RAB3IP: variants seen among roughly 807,000 people sequenced by gnomAD.
The protein encoded by RAB3IP is RAB3A interacting protein.
A neutral mutation model predicts 59.1 loss-of-function variants in RAB3IP; 36 were observed. That is an observed-to-expected ratio of 0.61 (90% confidence interval 0.47 to 0.80). The LOEUF is 0.80. Ranked by LOEUF, RAB3IP falls within the 30% of genes least tolerant of loss-of-function variation. The probability of loss-of-function intolerance (pLI) is 0.00; values close to 1 mark genes in which losing one functional copy is unlikely to be tolerated. For synonymous variants in RAB3IP, 207 were observed against 191.2 expected (o/e 1.08, Z -0.68); for missense variants, 511 against 536.0 (o/e 0.95, Z 0.46).
intron 8 of RAB3IP, among the ~76,000 whole-genome samples, chr12:69,805,666 G>A (rs567843771): frequency 2.6e-5 from 4 of 151,808 alleles, no homozygotes; most frequent in Admixed American, 6.6e-5. Context: ...TTTGAAATAC[G>A]TCCCATCAAT....
At position 69,819,301 on chromosome 12, in the gene RAB3IP, A is replaced by G. The variant is rs1168804997; in HGVS notation, c.*3855A>G. On this transcript the variant is annotated 3_prime_UTR_variant, in exon 11 of 11. Coordinates refer to ENST00000247833, the MANE Select transcript of RAB3IP (RefSeq NM_022456.5). Reference sequence around the variant, plus strand: ...GAATCTTAGGCTTTTGGCTTGAGCTATTGCAGTTTATTGAGATGGGGAAAT... The same window carrying G: ...GAATCTTAGGCTTTTGGCTTGAGCTGTTGCAGTTTATTGAGATGGGGAAAT... 6.6e-6 allele frequency: 1 copy of G among 152,208 alleles called. No individual in the cohort carries two copies. Among genetic ancestry groups the G allele is most frequent in the Non-Finnish European group, 1.5e-5 (1 of 68,038 alleles). 9.4% of individuals were successfully genotyped at this position (152,208 alleles called of 1,614,324 possible). A position where few individuals can be genotyped will look rare whatever the true frequency, so the allele number is the denominator to read the frequency against.
intron 3 of RAB3IP, among the ~76,000 whole-genome samples, chr12:69,770,751 A>G (rs1872974760): frequency 6.6e-6 from 1 of 152,204 alleles, no homozygotes; most frequent in African/African-American, 2.4e-5. Context: ...TATGCAACAC[A>G]GTATGGTGTA....
upstream of RAB3IP, chr12:69,738,707 A>C (rs1886911297): frequency 6.6e-6 from 1 of 152,096 alleles, no homozygotes; most frequent in Non-Finnish European, 1.5e-5. Context: ...ACCTGCGACG[A>C]GCCCCGCCTG....
At chr12:69,781,111 A>C (rs376047033) in intron 3 of RAB3IP, among the ~76,000 whole-genome samples, 2 of 152,108 alleles carry the variant, frequency 1.3e-5, no homozygotes, top group African/African-American at 4.8e-5. Context: ...CCTTTCTTAT[A>C]ATTTTTTTGG....
chr12:69,768,216 A>G (rs73133462), intron 3 of RAB3IP, among the ~76,000 whole-genome samples: 16,289 of 151,770 alleles, frequency 0.11, 1,201 homozygotes, highest in Middle Eastern at 0.18. Flanking sequence ...ATGCCTGGAG[A>G]TCTGCCTGGG....
upstream of RAB3IP, chr12:69,738,701 G>A (rs1164404073): frequency 1.3e-5 from 2 of 152,214 alleles, no homozygotes; most frequent in Middle Eastern, 3.2e-3. Context: ...CGTGACACCT[G>A]CGACGAGCCC....
chr12:69,738,644 C>T, upstream of RAB3IP: 1 of 151,954 alleles, frequency 6.6e-6, no homozygotes, highest in Non-Finnish European at 1.5e-5. Flanking sequence ...CTCCGGCTCG[C>T]GCTGGTTCCC....
chr12:69,803,348 C>T (rs980554989), intron 8 of RAB3IP, among the ~76,000 whole-genome samples: 3 of 151,828 alleles, frequency 2.0e-5, no homozygotes, highest in South Asian at 4.2e-4. Flanking sequence ...TGGCTTTGGC[C>T]GTGGTTCTTG....
chr12:69,766,475 C>T (rs1872213769), intron 3 of RAB3IP, among the ~76,000 whole-genome samples: 1 of 151,658 alleles, frequency 6.6e-6, no homozygotes, highest in East Asian at 1.9e-4. Flanking sequence ...TTTTCAAATT[C>T]CTTACGTCAG....
intron 3 of RAB3IP, among the ~76,000 whole-genome samples, chr12:69,772,685 C>T (rs568864883): frequency 6.6e-6 from 1 of 152,306 alleles, no homozygotes; most frequent in South Asian, 2.1e-4. Flanking sequence ...TACACTGTAA[C>T]TCCATTCTTT....
At chr12:69,769,197 C>T (rs1251052991) in intron 3 of RAB3IP, among the ~76,000 whole-genome samples, 2 of 152,160 alleles carry the variant, frequency 1.3e-5, no homozygotes, top group African/African-American at 4.8e-5. Context: ...ATAAATTGCC[C>T]AGTCTTGGGT....
intron 4 of RAB3IP, among the ~76,000 whole-genome samples, chr12:69,788,522 T>A (rs1399239927): frequency 6.6e-6 from 1 of 152,134 alleles, no homozygotes; most frequent in Non-Finnish European, 1.5e-5. Flanking sequence ...GGTGCATGAC[T>A]GTATATATGC....
chr12:69,786,468 G>A (rs1875665244), intron 4 of RAB3IP, among the ~76,000 whole-genome samples: 1 of 152,096 alleles, frequency 6.6e-6, no homozygotes, highest in Non-Finnish European at 1.5e-5. Flanking sequence ...TAGGAAGAGT[G>A]GAAAGTTAAA....
intron 8 of RAB3IP, among the ~76,000 whole-genome samples, chr12:69,804,172 C>T (rs1878858035): frequency 1.3e-5 from 2 of 152,288 alleles, no homozygotes; most frequent in African/African-American, 4.8e-5. Flanking sequence ...TGTTTCCTGA[C>T]TGTTTAATGA....
rs895416986 is a variant in RAB3IP, at chr12:69,823,188, A to G, written c.*7742A>G. On this transcript the variant is annotated 3_prime_UTR_variant, in exon 11 of 11. Coordinates refer to ENST00000247833, the MANE Select transcript of RAB3IP (RefSeq NM_022456.5). ...TGTTAATTAAAAAAATAAAAAAAAGACCCACCCACTGTTTAAGTGTATCTA... is the reference window on the plus strand; with the variant it reads ...TGTTAATTAAAAAAATAAAAAAAAGGCCCACCCACTGTTTAAGTGTATCTA... 2.0e-5 allele frequency: 3 copies of G among 152,128 alleles called. No individual in the cohort carries two copies. The highest frequency in any genetic ancestry group is 1.3e-4 in the Admixed American group (2 of 15,276). 9.4% of individuals were successfully genotyped at this position (152,128 alleles called of 1,614,324 possible).
At chr12:69,794,381 CT>C in intron 4 of RAB3IP, 55 bp from the exon 5 acceptor site, 2 of 1,462,580 alleles carry the variant, frequency 1.4e-6, no homozygotes, top group Middle Eastern at 3.5e-4. Context: ...TTGGCAAGAA[CT>C]TTTTGAAAAC....
At chr12:69,772,073 C>T (rs2136175968) in intron 3 of RAB3IP, among the ~76,000 whole-genome samples, 1 of 152,156 alleles carries the variant, frequency 6.6e-6, no homozygotes, top group East Asian at 1.9e-4. Flanking sequence ...GACAGTCTAT[C>T]CTTTTATGTC....
chr12:69,820,292 C>G lies in RAB3IP; in HGVS notation c.*4846C>G, dbSNP rs754071796. 6.6e-6 allele frequency: 1 copy of G among 152,110 alleles called. No homozygotes were observed. Among genetic ancestry groups the G allele is most frequent in the African/African-American group, 2.4e-5 (1 of 41,370 alleles). The allele number at this position is 152,110 out of a possible 1,614,324, so 9.4% of individuals were successfully genotyped here. A position where few individuals can be genotyped will look rare whatever the true frequency, so the allele number is the denominator to read the frequency against. ...GTTCCTTTATTTGTCATTGTCACTC[C>G]CATTCCAGTTATCAGCAAATTCCAT... On this transcript the variant is annotated 3_prime_UTR_variant, in exon 11 of 11. Coordinates refer to ENST00000247833, the MANE Select transcript of RAB3IP (RefSeq NM_022456.5).
rs1241204120 is a variant in RAB3IP at position 69,818,651 on chromosome 12, G to C, written c.*3205G>C. 6.6e-6 allele frequency: 1 copy of C among 151,676 alleles called. No homozygotes were observed. The highest frequency in any genetic ancestry group is 1.5e-5 in the Non-Finnish European group (1 of 67,834). The allele number at this position is 151,676 out of a possible 1,614,324, so 9.4% of individuals were successfully genotyped here. On this transcript the variant is annotated 3_prime_UTR_variant, in exon 11 of 11. Coordinates refer to ENST00000247833, the MANE Select transcript of RAB3IP (RefSeq NM_022456.5). ...CAAAATGAATGAATACCAGCTACTTGCAGCACAATAACTCAGAATGAAAAA... is the reference window on the plus strand; with the variant it reads ...CAAAATGAATGAATACCAGCTACTTCCAGCACAATAACTCAGAATGAAAAA...
Sources: allele counts gnomAD v4.1 joint callset (sites outside exome capture counted in the v4.1 genomes callset), GRCh38; gene constraint gnomAD v4.1.1; transcripts MANE v1.5; gene names NCBI Gene and HGNC (gene_info 2026-07-23, HGNC 2026-07-21).